Variants in NRG3 observed in about 807,000 individuals in gnomAD.
NRG3 encodes neuregulin 3, also known as pro-neuregulin-3, membrane-bound isoform.
In NRG3, 31 loss-of-function variants were observed where a neutral mutation model predicts 66.9. That is an observed-to-expected ratio of 0.46 (90% CI 0.35 to 0.63). The LOEUF (loss-of-function observed/expected upper bound fraction) is 0.63. Among genes scored for constraint, NRG3 ranks in the 20% least tolerant of loss-of-function variants. The probability of loss-of-function intolerance (pLI) is 0.00; values close to 1 mark genes in which losing one functional copy is unlikely to be tolerated. For missense variants in NRG3, 910 were observed against 878.9 expected (o/e 1.04, Z -0.45); for synonymous variants, 393 against 359.4 (o/e 1.09, Z -1.06).
At chr10:82,909,372 A>C (rs2131956424) in intron 4 of NRG3, among the ~76,000 whole-genome samples, 1 of 152,252 alleles carries the variant, frequency 6.6e-6, no homozygotes, top group African/African-American at 2.4e-5. Context: ...CAAACTCCAA[A>C]ATGCTCCAAA....
Position 82,486,365 on chromosome 10 carries a change from A to G in NRG3, c.953+127497A>G, listed in dbSNP as rs563260740. Among the ~76,000 whole-genome samples the G allele has an allele frequency of 3.3e-5, 5 of 152,328 alleles. No homozygotes were observed. In the East Asian group the frequency reaches 9.6e-4, roughly 29 times the overall value. On this transcript the variant is annotated intron_variant, in intron 2 of 8. Coordinates refer to ENST00000372141, the MANE Select transcript of NRG3 (RefSeq NM_001010848.4). ...GTAGTCAAGAGGTAGAAAAAGCCTA[A>G]ATGTCCATTGGCAGGTGAATGGACA...
chr10:81,877,805 GT>G, intron 1 of NRG3: 1 of 1,389,320 alleles, frequency 7.2e-7, no homozygotes, highest in Non-Finnish European at 9.3e-7. Flanking sequence ...TTCCCAGGAG[GT>G]GTTTAGAGCC....
intron 2 of NRG3, among the ~76,000 whole-genome samples, chr10:82,651,606 C>T (rs933819595): frequency 4.6e-5 from 7 of 152,194 alleles, no homozygotes; most frequent in Non-Finnish European, 8.8e-5. Flanking sequence ...AGCCAGCAGT[C>T]GTGAGTGTGC....
At chr10:81,917,072 G>A (rs2132822736) in intron 1 of NRG3, among the ~76,000 whole-genome samples, 1 of 152,200 alleles carries the variant, frequency 6.6e-6, no homozygotes, top group Non-Finnish European at 1.5e-5. Context: ...CAATACCATG[G>A]CTCAAAATAT....
intron 1 of NRG3, among the ~76,000 whole-genome samples, chr10:82,161,965 C>A (rs1371613936): frequency 6.6e-6 from 1 of 152,004 alleles, no homozygotes; most frequent in African/African-American, 2.4e-5. Context: ...ACAAAGTGGC[C>A]CATCACTCTT....
At chr10:82,401,445 A>G (rs1221810728) in intron 2 of NRG3, among the ~76,000 whole-genome samples, 2 of 151,472 alleles carry the variant, frequency 1.3e-5, no homozygotes, top group Non-Finnish European at 2.9e-5. Context: ...GCTTCTAGAT[A>G]GAGAGAAGTA....
At chr10:82,583,999 A>C (rs1488314660) in intron 2 of NRG3, among the ~76,000 whole-genome samples, 1 of 152,178 alleles carries the variant, frequency 6.6e-6, no homozygotes, top group Non-Finnish European at 1.5e-5. Flanking sequence ...TCTCTCTCAA[A>C]AGGCTATAAT....
intron 1 of NRG3, among the ~76,000 whole-genome samples, chr10:82,222,027 T>G (rs2133785850): frequency 1.3e-5 from 2 of 151,994 alleles, no homozygotes; most frequent in East Asian, 2.0e-4. Flanking sequence ...TCACCCTTTC[T>G]TCTTGTAAGT....
chr10:81,977,840 A>G (rs2060183092), intron 1 of NRG3, among the ~76,000 whole-genome samples: 1 of 152,218 alleles, frequency 6.6e-6, no homozygotes, highest in Non-Finnish European at 1.5e-5. Context: ...ATGAGGATCA[A>G]ATAAGCTGGA....
intron 2 of NRG3, among the ~76,000 whole-genome samples, chr10:82,465,751 C>T (rs569659698): frequency 7.9e-5 from 12 of 152,184 alleles, no homozygotes; most frequent in African/African-American, 2.9e-4. Flanking sequence ...TTGTATCTCA[C>T]GTGACCTCTG....
At chr10:82,149,303 T>C (rs2070510766) in intron 1 of NRG3, among the ~76,000 whole-genome samples, 1 of 152,100 alleles carries the variant, frequency 6.6e-6, no homozygotes, top group South Asian at 2.1e-4. Context: ...AATTCCTAAT[T>C]AGGGAGCTAC....
chr10:81,927,175 T>G (rs924687484), intron 1 of NRG3, among the ~76,000 whole-genome samples: 1 of 152,240 alleles, frequency 6.6e-6, no homozygotes, highest in Non-Finnish European at 1.5e-5. Context: ...TTACTTACTT[T>G]TGGCTTGACA....
rs148125468 is a variant in NRG3, at chr10:82,501,217, G to A, written c.953+142349G>A. The stretch of plus-strand genomic sequence containing the variant: ...TGGGAATGGGTGGAAATCTAAGCAC[G>A]GCCAAGTAAGAAAGAAGTGGACTGG... On this transcript the variant is annotated intron_variant, in intron 2 of 8. Transcript: ENST00000372141. Among the ~76,000 whole-genome samples the A allele has an allele frequency of 3.3e-3, 496 of 152,130 alleles. 3 individuals carry two copies. The highest frequency in any genetic ancestry group is 6.8e-3 in the Middle Eastern group (2 of 294).
chr10:82,299,262 T>C (rs1185672723), intron 1 of NRG3, among the ~76,000 whole-genome samples: 1 of 152,220 alleles, frequency 6.6e-6, no homozygotes, highest in Non-Finnish European at 1.5e-5. Flanking sequence ...ATTGGAGTGC[T>C]GTTCTAAGCA....
intron 4 of NRG3, among the ~76,000 whole-genome samples, chr10:82,937,268 G>A (rs1848168245): frequency 6.6e-6 from 1 of 152,188 alleles, no homozygotes; most frequent in Admixed American, 6.5e-5. Context: ...CAGACACTGT[G>A]CTCAGTAAAT....
intron 2 of NRG3, among the ~76,000 whole-genome samples, chr10:82,542,327 A>G (rs2043600203): frequency 6.6e-6 from 1 of 152,206 alleles, no homozygotes; most frequent in Admixed American, 6.5e-5. Flanking sequence ...TTATTTTGTC[A>G]AAAAGAAAAG....
At chr10:82,723,293 A>G (rs1489667928) in intron 2 of NRG3, among the ~76,000 whole-genome samples, 30 of 152,312 alleles carry the variant, frequency 2.0e-4, no homozygotes, top group Non-Finnish European at 2.9e-5. Flanking sequence ...AATGGCAACA[A>G]TAGACACTGG....
intron 2 of NRG3, among the ~76,000 whole-genome samples, chr10:82,418,946 G>A (rs930184961): frequency 1.3e-5 from 2 of 152,002 alleles, no homozygotes; most frequent in Non-Finnish European, 1.5e-5. Flanking sequence ...GATTTACTGA[G>A]CTACTTCTTC....
intron 1 of NRG3, among the ~76,000 whole-genome samples, chr10:82,220,392 A>G (rs1177312233): frequency 6.6e-6 from 1 of 152,118 alleles, no homozygotes; most frequent in African/African-American, 2.4e-5. Flanking sequence ...AAAGGAGTGG[A>G]TTTCTTGTGT....
Sources: allele counts gnomAD v4.1 joint callset (sites outside exome capture counted in the v4.1 genomes callset), GRCh38; gene constraint gnomAD v4.1.1; transcripts MANE v1.5; gene names NCBI Gene and HGNC (gene_info 2026-07-23, HGNC 2026-07-21).